Variants in MLLT1 observed in about 807,000 individuals in gnomAD.
MLLT1 encodes the protein protein ENL.
MLLT1 carries 11 observed loss-of-function variants against 55.1 expected under a neutral mutation model. That is an observed-to-expected ratio of 0.20 (90% CI 0.13 to 0.33). The LOEUF (loss-of-function observed/expected upper bound fraction) is 0.33, where lower values mean the gene tolerates loss of function less well. Among genes scored for constraint, MLLT1 ranks in the 10% least tolerant of loss-of-function variants. The pLI is 1.00. For synonymous variants in MLLT1, 323 were observed against 320.1 expected (o/e 1.01, Z -0.10); for missense variants, 536 against 760.6 (o/e 0.70, Z 3.47).
intron 7 of MLLT1, among the ~76,000 whole-genome samples, chr19:6,217,693 C>T (rs908848895): frequency 2.0e-5 from 3 of 152,206 alleles, no homozygotes; most frequent in Admixed American, 6.5e-5. Context: ...ACCAGAAGCC[C>T]CTCACCAGCC....
At chr19:6,251,952 C>T (rs1176120548) in intron 3 of MLLT1, among the ~76,000 whole-genome samples, 1 of 151,936 alleles carries the variant, frequency 6.6e-6, no homozygotes, top group African/African-American at 2.4e-5. Context: ...GAGACTCCAC[C>T]ACAAAGAAAA....
intron 3 of MLLT1, among the ~76,000 whole-genome samples, chr19:6,248,591 G>A (rs1226134355): frequency 6.6e-6 from 1 of 152,148 alleles, no homozygotes; most frequent in African/African-American, 2.4e-5. Flanking sequence ...ATGAGAAAAC[G>A]GCAAGTAGAG....
chr19:6,222,504 TCTC>T lies in MLLT1; in HGVS notation c.724_726del (p.Glu242del). On this transcript the variant is annotated inframe_deletion, in exon 6 of 12. Transcript: ENST00000252674. This position sits in a 1 kb window ranked among gnomAD's most constrained non-coding sequence, Gnocchi z 4.1. ...AAGGCAGCCTTGGGCGGTGGCGCCT[TCTC>T]CTCCTTGGGCAGCCGGCCCTCGCCC... 2 of 1,598,512 alleles carry T rather than the reference TCTC, an allele frequency of 1.3e-6. No individual in the cohort carries two copies. Among genetic ancestry groups the T allele is most frequent in the Non-Finnish European group, 1.7e-6 (2 of 1,178,994 alleles).
At chr19:6,239,825 C>T (rs1231385181) in intron 3 of MLLT1, among the ~76,000 whole-genome samples, 2 of 152,190 alleles carry the variant, frequency 1.3e-5, no homozygotes, top group Admixed American at 6.5e-5. Context: ...CTCAGACTCA[C>T]GCACACAGAG....
chr19:6,222,756 C>G lies in MLLT1; in HGVS notation c.547-72G>C. The G allele has an allele frequency of 7.9e-7, 1 of 1,270,982 alleles. No individual in the cohort carries two copies. The highest frequency in any genetic ancestry group is 2.6e-5 in the Admixed American group (1 of 38,942). 78.7% of individuals were successfully genotyped at this position (1,270,982 alleles called of 1,614,324 possible). A position where few individuals can be genotyped will look rare whatever the true frequency, so the allele number is the denominator to read the frequency against. ...TGGCATTGCGGGGCGCCCTGCTCCG[C>G]CACCCCTGACCCCTACAAAGCATAA... On this transcript the variant is annotated intron_variant, in intron 5 of 11. Transcript: ENST00000252674. The surrounding 1 kb of genome is among the most constrained non-coding windows in gnomAD (Gnocchi z 4.1).
At position 6,222,900 on chromosome 19, in the gene MLLT1, C is replaced by G. The variant is rs554353909; in HGVS notation, c.547-216G>C. Among the ~76,000 whole-genome samples the G allele has an allele frequency of 2.0e-5, 3 of 152,198 alleles. No homozygotes were observed. Among genetic ancestry groups the G allele is most frequent in the African/African-American group, 7.2e-5 (3 of 41,444 alleles). On this transcript the variant is annotated intron_variant, in intron 5 of 11. Coordinates refer to ENST00000252674, the MANE Select transcript of MLLT1 (RefSeq NM_005934.4). This position sits in a 1 kb window ranked among gnomAD's most constrained non-coding sequence, Gnocchi z 4.1. ...CTACTAGGAAGTGTCAGCTGGTCCC[C>G]GGCAGCTGCAGGCTAAGATTCCCCT...
chr19:6,264,401 GAGCCTTCAGGCCTGTGGAT>G lies in MLLT1; in HGVS notation c.194-2110_194-2092del, dbSNP rs1336328241. 2.6e-5 allele frequency among the ~76,000 whole-genome samples: 4 copies of G among 152,086 alleles called. No individual in the cohort carries two copies. The East Asian group carries it at 7.7e-4, about 29-fold the overall frequency. The stretch of plus-strand genomic sequence containing the variant: ...CTCATTAGGAAATCAGGAGGCCCGT[GAGCCTTCAGGCCTGTGGAT>G]AGGCAGAACCCACCCTCCCATCACA... On this transcript the variant is annotated intron_variant, in intron 2 of 11. Transcript: ENST00000252674.
intron 6 of MLLT1, among the ~76,000 whole-genome samples, chr19:6,221,550 A>G (rs1411945747): frequency 2.0e-5 from 3 of 152,204 alleles, no homozygotes; most frequent in South Asian, 4.1e-4. Flanking sequence ...AGTATCCCCA[A>G]GTCACAGCTG....
Position 6,214,035 on chromosome 19 carries a change from C to T in MLLT1, c.1311G>A (p.Leu437=). The change falls in exon 9 of 12, where the codon TTG becomes TTA. Residue 437 remains leucine, a synonymous_variant. Transcript: ENST00000252674. The part of the protein sequence containing the change: ...GKTNPGRDSR[L]SFSDSESDNS... ...TGTCACTCTCGCTGTCGCTGAAGCTCAACCTGAACCGACACACGGGGGCGC... is the reference window on the plus strand; with the variant it reads ...TGTCACTCTCGCTGTCGCTGAAGCTTAACCTGAACCGACACACGGGGGCGC... The T allele has an allele frequency of 1.4e-6, 2 of 1,441,866 alleles. No individual in the cohort carries two copies. Among genetic ancestry groups the T allele is most frequent in the African/African-American group, 1.4e-5 (1 of 69,838 alleles). 89.3% of individuals were successfully genotyped at this position (1,441,866 alleles called of 1,614,324 possible). A position where few individuals can be genotyped will look rare whatever the true frequency, so the allele number is the denominator to read the frequency against.
intron 3 of MLLT1, among the ~76,000 whole-genome samples, chr19:6,252,826 A>C (rs1334808601): frequency 6.6e-6 from 1 of 152,208 alleles, no homozygotes; most frequent in Non-Finnish European, 1.5e-5. Flanking sequence ...AAAAAAAAGA[A>C]CATAAATAAC....
intron 5 of MLLT1, among the ~76,000 whole-genome samples, chr19:6,225,750 C>G (rs1600179494): frequency 6.6e-6 from 1 of 152,176 alleles, no homozygotes. Context: ...ACCAGCAGCC[C>G]CAGCAGACGC....
chr19:6,265,072 A>AAAATAAAAAAAAAAAAAAAAC (rs2091338569), intron 2 of MLLT1, among the ~76,000 whole-genome samples: 1 of 145,324 alleles, frequency 6.9e-6, no homozygotes, highest in African/African-American at 2.5e-5. Flanking sequence ...AAACAAAAAA[A>AAAATAAAAAAAAAAAAAAAAC]AACATGATGT....
At position 6,235,388 on chromosome 19, in the gene MLLT1, G is replaced by T. The variant is rs1050820738; in HGVS notation, c.277-4675C>A. Among the ~76,000 whole-genome samples the T allele has an allele frequency of 6.6e-6, 1 of 152,204 alleles. No homozygotes were observed. Among genetic ancestry groups the T allele is most frequent in the Admixed American group, 6.5e-5 (1 of 15,290 alleles). On this transcript the variant is annotated intron_variant, in intron 3 of 11. Transcript: ENST00000252674. This position sits in a 1 kb window ranked among gnomAD's most constrained non-coding sequence, Gnocchi z 5.5. ...CACGGGCAGCATGGGGGGATTCGCT[G>T]CAATGCCACAGCCACAGTGCTCAGC...
In MLLT1 at chr19:6,274,408, C is replaced by T. The variant is rs2091417497; in HGVS notation, c.13-3649G>A. 1.3e-5 allele frequency among the ~76,000 whole-genome samples: 2 copies of T among 152,332 alleles called. 1 individual carries two copies. Among genetic ancestry groups the T allele is most frequent in the South Asian group, 4.1e-4 (2 of 4,832 alleles). On this transcript the variant is annotated intron_variant, in intron 1 of 11. Transcript: ENST00000252674. ...TTCCCCCACACCACCTGGACTCTTT[C>T]CTTGGCCATTAGGACCAAAGAATTG...
intron 3 of MLLT1, among the ~76,000 whole-genome samples, chr19:6,242,016 A>T (rs2091118102): frequency 6.6e-6 from 1 of 152,162 alleles, no homozygotes; most frequent in African/African-American, 2.4e-5. Context: ...GGAGCCAGGG[A>T]GGGAGTTGCT....
At chr19:6,268,120 C>T (rs565040794) in intron 2 of MLLT1, among the ~76,000 whole-genome samples, 128 of 152,250 alleles carry the variant, frequency 8.4e-4, no homozygotes, top group Admixed American at 2.8e-3. Flanking sequence ...AAGCATATGG[C>T]TGTGTGGGTG....
At chr19:6,275,364 C>T (rs1028614291) in intron 1 of MLLT1, among the ~76,000 whole-genome samples, 4 of 152,210 alleles carry the variant, frequency 2.6e-5, no homozygotes, top group South Asian at 2.1e-4. Context: ...GGGCTGAACA[C>T]GTGCACGTGT....
At chr19:6,214,746 AGG>A (rs2090822084) in intron 8 of MLLT1, among the ~76,000 whole-genome samples, 1 of 152,080 alleles carries the variant, frequency 6.6e-6, no homozygotes, top group African/African-American at 2.4e-5. Flanking sequence ...ATCCAGTGAG[AGG>A]GGCCCCTGAC....
chr19:6,279,505 C>A (rs2091446083), intron 1 of MLLT1, among the ~76,000 whole-genome samples: 1 of 151,834 alleles, frequency 6.6e-6, no homozygotes, highest in Non-Finnish European at 1.5e-5. Context: ...TCCCGGGGGT[C>A]TCCGAGCCAG....
Sources: gnomAD v4.1 joint callset for allele counts (sites outside exome capture counted in the v4.1 genomes callset) on GRCh38, gnomAD v4.1.1 for gene constraint, Gnocchi (gnomAD v3.1) non-coding constraint, MANE v1.5 for transcripts, NCBI Gene and HGNC (gene_info 2026-07-23, HGNC 2026-07-21) for gene names.